APBA2: variants seen among roughly 807,000 people sequenced by gnomAD.
APBA2 encodes amyloid-beta A4 precursor protein-binding family A member 2.
Under a neutral mutation model 75.0 loss-of-function variants are expected in APBA2, and 30 were observed. That is an observed-to-expected ratio of 0.40 (90% CI 0.30 to 0.54). The LOEUF is 0.54. Ranked by LOEUF, APBA2 falls within the 20% of genes least tolerant of loss-of-function variation. APBA2 has a pLI of 0.49. For synonymous variants in APBA2, 444 were observed against 409.6 expected (o/e 1.08, Z -1.01); for missense variants, 801 against 1,016.1 (o/e 0.79, Z 2.88).
intron 1 of APBA2, among the ~76,000 whole-genome samples, chr15:28,914,410 A>G (rs1191973340): frequency 2.0e-5 from 3 of 152,170 alleles, no homozygotes; most frequent in African/African-American, 7.2e-5. Context: ...AGAATTGCAG[A>G]AGTTTGAAGG....
chr15:29,114,978 GGTGTGAGGAGA>G (rs2044998751), intron 14 of APBA2, among the ~76,000 whole-genome samples: 1 of 151,522 alleles, frequency 6.6e-6, no homozygotes, highest in Admixed American at 6.6e-5. Context: ...TGAGGCATGG[GGTGTGAGGAGA>G]GTGTGAGTGG....
intron 2 of APBA2, among the ~76,000 whole-genome samples, chr15:28,939,489 G>T (rs539752576): frequency 6.6e-6 from 1 of 152,300 alleles, no homozygotes; most frequent in African/African-American, 2.4e-5. Flanking sequence ...GTGTACAAGG[G>T]CTCCAATTTC....
At chr15:29,115,971 C>T (rs746962187) in intron 14 of APBA2, among the ~76,000 whole-genome samples, 64 of 152,186 alleles carry the variant, frequency 4.2e-4, no homozygotes, top group Non-Finnish European at 7.9e-4. Flanking sequence ...TGCGAGGGCC[C>T]CCCATCCGGA....
chr15:29,105,590 A>T (rs1222209602), intron 11 of APBA2, 32 bp downstream of exon 11: 2 of 1,610,960 alleles, frequency 1.2e-6, no homozygotes, highest in Non-Finnish European at 1.7e-6. Flanking sequence ...CAGGGAGGCC[A>T]CATTTGCCAG....
At chr15:29,010,100 G>T (rs138676091) in intron 3 of APBA2, among the ~76,000 whole-genome samples, 1 of 152,294 alleles carries the variant, frequency 6.6e-6, no homozygotes, top group Non-Finnish European at 1.5e-5. Context: ...TTTAGTGGAT[G>T]CATGGTGGGA....
At chr15:29,103,570 C>G (rs2152966786) in intron 10 of APBA2, among the ~76,000 whole-genome samples, 1 of 152,344 alleles carries the variant, frequency 6.6e-6, no homozygotes, top group African/African-American at 2.4e-5. Context: ...TGGCGGCACA[C>G]CAGCGGCCCA....
At chr15:28,953,613 T>TC (rs993527188) in intron 2 of APBA2, among the ~76,000 whole-genome samples, 5 of 152,230 alleles carry the variant, frequency 3.3e-5, no homozygotes, top group African/African-American at 1.2e-4. Context: ...TCTGTAAGAC[T>TC]CCAAGTCTCC....
chr15:29,072,147 G>A (rs1353393556), intron 4 of APBA2, among the ~76,000 whole-genome samples: 1 of 152,186 alleles, frequency 6.6e-6, no homozygotes, highest in Admixed American at 6.5e-5. Flanking sequence ...ATCCCGCCCA[G>A]CTTGCAGGAG....
chr15:29,006,079 G>A (rs1182658217), intron 3 of APBA2, among the ~76,000 whole-genome samples: 1 of 152,086 alleles, frequency 6.6e-6, no homozygotes, highest in Non-Finnish European at 1.5e-5. Context: ...AGAAATTCTA[G>A]CCAGAACAAT....
At chr15:28,990,548 G>C (rs1382645003) in intron 2 of APBA2, 1 of 152,182 alleles carries the variant, frequency 6.6e-6, no homozygotes, top group African/African-American at 2.4e-5. Flanking sequence ...GCAAATTTCT[G>C]AGCTCTAAAA....
At chr15:28,942,192 C>T (rs1054129549) in intron 2 of APBA2, among the ~76,000 whole-genome samples, 4 of 152,250 alleles carry the variant, frequency 2.6e-5, no homozygotes, top group African/African-American at 9.6e-5. Context: ...TGTGAACAGT[C>T]TGCTGGTGCA....
chr15:28,999,770 G>A (rs1379548469), intron 3 of APBA2, among the ~76,000 whole-genome samples: 2 of 152,162 alleles, frequency 1.3e-5, no homozygotes, highest in Admixed American at 6.5e-5. Context: ...TCGATCAATC[G>A]ATTGATTGGT....
At position 29,098,494 on chromosome 15, in the gene APBA2, C is replaced by A. The variant is rs779536029; in HGVS notation, c.1256C>A (p.Ser419Tyr). 4 of 1,613,582 alleles carry A rather than the reference C, an allele frequency of 2.5e-6. No individual in the cohort carries two copies. In the Admixed American group the frequency reaches 6.7e-5, roughly 27 times the overall value. Residue 419 changes from serine (S) to tyrosine (Y), a missense_variant, in exon 9 of 15, where the codon TCT becomes TAT. Ser to Tyr is a moderately radical substitution (Grantham distance 144). Around this residue, in one of 2 missense-constraint regions of APBA2, gnomAD observed 367 missense variants for 544.5 expected, o/e 0.67. Coordinates refer to ENST00000683413, the MANE Select transcript of APBA2 (RefSeq NM_001353788.2). ...AATATCCACTGTCCTTCTTAGAATT[C>A]TGAGGGGGATGCCCAGACGCTGACG... ...KAAKIKKKAN[S>Y]EGDAQTLTEV...
intron 4 of APBA2, among the ~76,000 whole-genome samples, chr15:29,064,800 A>G (rs2152908706): frequency 6.6e-6 from 1 of 152,264 alleles, no homozygotes; most frequent in Non-Finnish European, 1.5e-5. Flanking sequence ...GACATTAGGA[A>G]GGCCAGATGT....
intron 9 of APBA2, among the ~76,000 whole-genome samples, chr15:29,099,687 G>A (rs569734664): frequency 2.0e-5 from 3 of 152,348 alleles, no homozygotes; most frequent in East Asian, 1.9e-4. Context: ...CCTTGCAGGC[G>A]GGCCTTTCTG....
rs573056685 is a variant in APBA2 at position 28,991,623 on chromosome 15, T to C, written c.-94-4130T>C. Reference sequence around the variant, plus strand: ...AGTCTGGGGGATACCTGCCTTTCAGTATGGGCTGCAGCCATTAGGCTGGTA... The same window carrying C: ...AGTCTGGGGGATACCTGCCTTTCAGCATGGGCTGCAGCCATTAGGCTGGTA... On this transcript the variant is annotated intron_variant, in intron 2 of 14. Coordinates refer to ENST00000683413, the MANE Select transcript of APBA2 (RefSeq NM_001353788.2). This position sits in a 1 kb window ranked among gnomAD's most constrained non-coding sequence, Gnocchi z 4.7. Among the ~76,000 whole-genome samples, 1 of 152,284 alleles carries C rather than the reference T, an allele frequency of 6.6e-6. No individual in the cohort carries two copies. Among genetic ancestry groups the C allele is most frequent in the Admixed American group, 6.5e-5 (1 of 15,296 alleles).
At chr15:28,897,451 A>G (rs1399662436) in intron 1 of APBA2, among the ~76,000 whole-genome samples, 1 of 151,894 alleles carries the variant, frequency 6.6e-6, no homozygotes, top group Admixed American at 6.6e-5. Context: ...CCCTTTCTCT[A>G]CTGAAAATAC....
chr15:29,007,643 C>T (rs1426778526), intron 3 of APBA2, among the ~76,000 whole-genome samples: 1 of 152,028 alleles, frequency 6.6e-6, no homozygotes, highest in Admixed American at 6.6e-5. Context: ...CATCACAAAT[C>T]GTTAGAGAAT....
At chr15:28,934,625 G>A (rs942391351) in intron 2 of APBA2, among the ~76,000 whole-genome samples, 5 of 152,140 alleles carry the variant, frequency 3.3e-5, no homozygotes, top group Admixed American at 3.3e-4. Flanking sequence ...AGGTGCTTTG[G>A]TTGCTGGATT....
Sources: gnomAD v4.1 joint callset for allele counts (sites outside exome capture counted in the v4.1 genomes callset) on GRCh38, gnomAD v4.1.1 for gene constraint, gnomAD v4.1.1 regional missense constraint, Gnocchi (gnomAD v3.1) non-coding constraint, MANE v1.5 for transcripts, NCBI Gene and HGNC (gene_info 2026-07-23, HGNC 2026-07-21) for gene names.